The following ZSWIM5 variants were observed in gnomAD, a reference collection of about 807,000 sequenced individuals.
ZSWIM5 encodes the protein zinc finger SWIM-type containing 5.
Under a neutral mutation model 119.6 loss-of-function variants are expected in ZSWIM5, and 55 were observed. The ratio of observed to expected loss-of-function variants is 0.46; its 90% CI spans 0.37 to 0.58. The LOEUF is 0.58. Among genes scored for constraint, ZSWIM5 ranks in the 20% least tolerant of loss-of-function variants. The pLI is 0.00. For synonymous variants in ZSWIM5, 537 were observed against 606.9 expected (o/e 0.88, Z 1.69); for missense variants, 1,193 against 1,512.8 (o/e 0.79, Z 3.51).
chr1:45,033,252 C>T (rs1233144609), intron 11 of ZSWIM5, among the ~76,000 whole-genome samples: 1 of 152,148 alleles, frequency 6.6e-6, no homozygotes, highest in African/African-American at 2.4e-5. Context: ...TTTCTGTGAA[C>T]TGTCTGATCA....
At position 45,028,678 on chromosome 1, in the gene ZSWIM5, C is replaced by T. The variant is rs557038690; in HGVS notation, c.2449+5634G>A. Among the ~76,000 whole-genome samples, 4 of 152,174 alleles carry T rather than the reference C, an allele frequency of 2.6e-5. No homozygotes were observed. In the South Asian group the frequency reaches 8.3e-4, roughly 32 times the overall value. On this transcript the variant is annotated intron_variant, in intron 11 of 13. Transcript: ENST00000359600. ...GGCTGAGGCAGGAGATTCATTTGAA[C>T]TCCGGGCACAGGGGTTGCAGTGAGC... is the stretch of plus-strand genomic sequence containing the variant.
intron 1 of ZSWIM5, among the ~76,000 whole-genome samples, chr1:45,174,846 G>C (rs1248828570): frequency 1.3e-5 from 2 of 152,046 alleles, no homozygotes; most frequent in Non-Finnish European, 2.9e-5. Context: ...ATGAGTTATT[G>C]GAGAGTAAGT....
chr1:45,043,231 G>A lies in ZSWIM5; in HGVS notation c.1597C>T (p.Pro533Ser). ...GGGCTAGACTTACCAAGCCACAGTGGCTGGCCTTGGGAATTAAAGAGTAGT... is the reference window on the plus strand; with the variant it reads ...GGGCTAGACTTACCAAGCCACAGTGACTGGCCTTGGGAATTAAAGAGTAGT... The part of the protein sequence containing the change: ...ERLLFNSQGQ[P>S]LWLEHVPTAC... The change falls in exon 6 of 14, where the codon CCA (proline) becomes TCA (serine). Residue 533 changes from proline to serine, a missense_variant. Coordinates refer to ENST00000359600, the MANE Select transcript of ZSWIM5 (RefSeq NM_020883.2). The A allele has an allele frequency of 1.9e-6, 3 of 1,613,564 alleles. No homozygotes were observed. Among genetic ancestry groups the A allele is most frequent in the Non-Finnish European group, 2.5e-6 (3 of 1,179,898 alleles).
chr1:45,179,323 C>T (rs1431522069), intron 1 of ZSWIM5, among the ~76,000 whole-genome samples: 1 of 152,052 alleles, frequency 6.6e-6, no homozygotes, highest in Non-Finnish European at 1.5e-5. Context: ...AACCATTATG[C>T]TATGTTAATT....
chr1:45,145,668 AAC>A (rs1394525366), intron 1 of ZSWIM5, among the ~76,000 whole-genome samples: 2 of 152,130 alleles, frequency 1.3e-5, no homozygotes, highest in Non-Finnish European at 2.9e-5. Context: ...TTAAGAGTGT[AAC>A]TACAATGGGA....
chr1:45,027,643 G>A (rs1046829252), intron 11 of ZSWIM5, among the ~76,000 whole-genome samples: 3 of 151,886 alleles, frequency 2.0e-5, no homozygotes, highest in Non-Finnish European at 2.9e-5. Context: ...TGATTGCCTC[G>A]GCCTCTCAAA....
chr1:45,200,324 T>C (rs1336132169), intron 1 of ZSWIM5, among the ~76,000 whole-genome samples: 2 of 152,186 alleles, frequency 1.3e-5, no homozygotes, highest in South Asian at 2.1e-4. Flanking sequence ...CTTAGTCTAC[T>C]AGCTCCATGA....
chr1:45,203,878 G>A (rs931513584), intron 1 of ZSWIM5, among the ~76,000 whole-genome samples: 1 of 152,112 alleles, frequency 6.6e-6, no homozygotes, highest in Non-Finnish European at 1.5e-5. Context: ...TTTATTCACC[G>A]GTCTTCGTCT....
intron 1 of ZSWIM5, among the ~76,000 whole-genome samples, chr1:45,193,080 T>C (rs1405607339): frequency 1.3e-5 from 2 of 152,184 alleles, no homozygotes; most frequent in South Asian, 4.1e-4. Context: ...TGAGTGGCTA[T>C]TAAGATATCC....
chr1:45,155,365 A>C (rs1024331919), intron 1 of ZSWIM5, among the ~76,000 whole-genome samples: 4 of 152,178 alleles, frequency 2.6e-5, no homozygotes, highest in Admixed American at 6.5e-5. Context: ...TTATCAAAAA[A>C]TAATAATACA....
chr1:45,039,790 C>T (rs1010952736), intron 7 of ZSWIM5, among the ~76,000 whole-genome samples: 3 of 151,028 alleles, frequency 2.0e-5, no homozygotes, highest in Non-Finnish European at 4.4e-5. Flanking sequence ...CTGCAACCTC[C>T]GCCTCCTGGG....
chr1:45,152,445 T>C (rs973245877), intron 1 of ZSWIM5, among the ~76,000 whole-genome samples: 16 of 151,964 alleles, frequency 1.1e-4, no homozygotes, highest in Non-Finnish European at 2.1e-4. Context: ...GTAAAGAAAA[T>C]GGAGCACGTC....
chr1:45,106,018 C>CAT (rs1411775301), intron 1 of ZSWIM5, among the ~76,000 whole-genome samples: 9 of 143,536 alleles, frequency 6.3e-5, no homozygotes, highest in East Asian at 4.3e-4. Flanking sequence ...CCCGGCCGCC[C>CAT]CGTCTGGGAG....
At chr1:45,046,755 G>A (rs531894596) in intron 5 of ZSWIM5, among the ~76,000 whole-genome samples, 1 of 151,694 alleles carries the variant, frequency 6.6e-6, no homozygotes, top group African/African-American at 2.4e-5. Flanking sequence ...GCCAGGCGCG[G>A]TGGCTCATTC....
intron 1 of ZSWIM5, among the ~76,000 whole-genome samples, chr1:45,175,766 A>AG (rs1202773089): frequency 7.9e-5 from 12 of 151,550 alleles, no homozygotes; most frequent in Admixed American, 6.6e-4. Context: ...AAAAAAAAAA[A>AG]CCATTGACAC....
chr1:45,051,382 C>CT, intron 4 of ZSWIM5, 129 bp from the exon 5 acceptor site: 2 of 1,005,802 alleles, frequency 2.0e-6, no homozygotes, highest in East Asian at 5.5e-5. Flanking sequence ...ATATAAAAAA[C>CT]TTGCTAAGAT....
chr1:45,020,813 G>A, intron 11 of ZSWIM5, 25 bp from the exon 12 acceptor site: 1 of 1,607,842 alleles, frequency 6.2e-7, no homozygotes, highest in Non-Finnish European at 8.5e-7. Flanking sequence ...AGAAGGGGCA[G>A]GGTCTATTTT....
At chr1:45,086,269 C>T (rs1402617306) in intron 2 of ZSWIM5, among the ~76,000 whole-genome samples, 2 of 152,286 alleles carry the variant, frequency 1.3e-5, no homozygotes, top group Non-Finnish European at 2.9e-5. Flanking sequence ...CCATTCACCT[C>T]CCACAAGGCC....
Position 45,044,743 on chromosome 1 carries a change from A to AT in ZSWIM5, c.1433-1349_1433-1348insA. ...CGTCTCAAAAAAAAAAAAAAAAAAA[A>AT]AAAATATATATATATATATATATAT... is the stretch of plus-strand genomic sequence containing the variant. On this transcript the variant is annotated intron_variant, in intron 5 of 13. Coordinates refer to ENST00000359600, the MANE Select transcript of ZSWIM5 (RefSeq NM_020883.2). Among the ~76,000 whole-genome samples the AT allele has an allele frequency of 2.6e-4, 2 of 7,694 alleles. 1 individual carries two copies. Among genetic ancestry groups the AT allele is most frequent in the African/African-American group, 5.2e-4 (2 of 3,814 alleles). 5.0% of individuals were successfully genotyped at this position (7,694 alleles called of 152,430 possible). A position where few individuals can be genotyped will look rare whatever the true frequency, so the allele number is the denominator to read the frequency against.
Sources: allele counts gnomAD v4.1 joint callset (sites outside exome capture counted in the v4.1 genomes callset), GRCh38; gene constraint gnomAD v4.1.1; transcripts MANE v1.5; gene names NCBI Gene and HGNC (gene_info 2026-07-23, HGNC 2026-07-21).